Variants in CYP3A43 observed in about 807,000 individuals in gnomAD.
CYP3A43 encodes cytochrome P450 family 3 subfamily A member 43.
In CYP3A43, 45 loss-of-function variants were observed where a neutral mutation model predicts 58.0. The ratio of observed to expected loss-of-function variants is 0.78; its 90% CI spans 0.61 to 0.99. The LOEUF is 0.99. Among genes scored for constraint, CYP3A43 ranks in the 50% least tolerant of loss-of-function variants. The pLI, the probability that CYP3A43 is intolerant of heterozygous loss-of-function variation, is 0.00. For missense variants in CYP3A43, 593 were observed against 591.9 expected (o/e 1.00, Z -0.02); for synonymous variants, 191 against 201.4 (o/e 0.95, Z 0.44).
chr7:99,843,487 A>G (rs1486422560), intron 3 of CYP3A43, among the ~76,000 whole-genome samples: 1 of 151,954 alleles, frequency 6.6e-6, no homozygotes, highest in Non-Finnish European at 1.5e-5. Flanking sequence ...TTATTTTGAG[A>G]TGGAGTGTCG....
intron 1 of CYP3A43, among the ~76,000 whole-genome samples, chr7:99,834,462 A>G (rs2151590188): frequency 6.6e-6 from 1 of 152,320 alleles, no homozygotes; most frequent in Middle Eastern, 3.4e-3. Context: ...CCCTGGCTTT[A>G]GAGGAATTAG....
chr7:99,864,548 C>A (rs1465004179), intron 12 of CYP3A43, among the ~76,000 whole-genome samples: 1 of 148,816 alleles, frequency 6.7e-6, no homozygotes, highest in Non-Finnish European at 1.5e-5. Flanking sequence ...GTTATCATCA[C>A]CTAATCTTAT....
chr7:99,847,682 T>C (rs1266118260), intron 5 of CYP3A43, 81 bp downstream of exon 5: 2 of 1,587,136 alleles, frequency 1.3e-6, no homozygotes, highest in African/African-American at 2.7e-5. Flanking sequence ...ATAGTTCCTT[T>C]CTAATGGGTA....
At chr7:99,850,982 C>T (rs1450474481) in intron 7 of CYP3A43, among the ~76,000 whole-genome samples, 1 of 152,214 alleles carries the variant, frequency 6.6e-6, no homozygotes, top group African/African-American at 2.4e-5. Context: ...TCCTTGCCAA[C>T]TTGGCGAAAC....
chr7:99,834,929 C>T (rs1817009192), intron 1 of CYP3A43, among the ~76,000 whole-genome samples: 1 of 152,206 alleles, frequency 6.6e-6, no homozygotes, highest in South Asian at 2.1e-4. Context: ...CCTCCACATA[C>T]ATAGCATGAG....
intron 10 of CYP3A43, among the ~76,000 whole-genome samples, chr7:99,860,380 C>T (rs1229037394): frequency 1.3e-5 from 2 of 152,068 alleles, no homozygotes; most frequent in African/African-American, 4.8e-5. Context: ...GCCCTGGGTG[C>T]GCTGGGCAGG....
chr7:99,855,892 A>T (rs530858699), intron 8 of CYP3A43, among the ~76,000 whole-genome samples, 174 bp downstream of exon 8: 14 of 152,364 alleles, frequency 9.2e-5, no homozygotes, highest in Middle Eastern at 6.8e-3. Context: ...GGGAAGAAAG[A>T]GAATGAGTGA....
At chr7:99,853,645 C>T (rs1486771161) in intron 7 of CYP3A43, among the ~76,000 whole-genome samples, 1 of 152,304 alleles carries the variant, frequency 6.6e-6, no homozygotes, top group South Asian at 2.1e-4. Context: ...CAACCTCCAC[C>T]TCCTGGGGTC....
At chr7:99,864,263 C>T (rs1389764958) in intron 12 of CYP3A43, among the ~76,000 whole-genome samples, 1 of 148,792 alleles carries the variant, frequency 6.7e-6, no homozygotes, top group Non-Finnish European at 1.5e-5. Context: ...TTGGGAATCA[C>T]TAATTTAAGG....
Position 99,863,607 on chromosome 7 carries a change from T to G in CYP3A43, c.1324T>G (p.Cys442Gly), listed in dbSNP as rs199622820. The G allele has an allele frequency of 1.0e-4, 168 of 1,613,966 alleles. No individual in the cohort carries two copies. The highest frequency in any genetic ancestry group is 1.3e-4 in the Non-Finnish European group (158 of 1,179,968). The change falls in exon 12 of 13, where the codon TGC becomes GGC. Residue 442 changes from cysteine (C) to glycine (G), a missense_variant. Transcript: ENST00000354829. ...YIPFGAGPRN[C>G]IGMRFALTNI... ...ACCTTTTGGAGCTGGACCCCGAAAC[T>G]GCATTGGCATGAGGTTTGCTCTCAC...
At chr7:99,833,324 A>ACG (rs550774274) in intron 1 of CYP3A43, among the ~76,000 whole-genome samples, 1 of 152,064 alleles carries the variant, frequency 6.6e-6, no homozygotes, top group African/African-American at 2.4e-5. Context: ...ATTTCGTGGG[A>ACG]GGGGGGAGAT....
At chr7:99,865,760 A>C in intron 12 of CYP3A43, 146 bp from the exon 13 acceptor site, 1 of 498,890 alleles carries the variant, frequency 2.0e-6, no homozygotes, top group South Asian at 3.2e-5. Flanking sequence ...CTGAACAAGT[A>C]CAAATAAACC....
chr7:99,864,627 C>T (rs1443115929), intron 12 of CYP3A43, among the ~76,000 whole-genome samples: 1 of 148,714 alleles, frequency 6.7e-6, no homozygotes, highest in East Asian at 1.9e-4. Context: ...CTCCTCTCTG[C>T]CCCATTTATG....
At chr7:99,853,717 C>G (rs537182632) in intron 7 of CYP3A43, among the ~76,000 whole-genome samples, 1 of 152,202 alleles carries the variant, frequency 6.6e-6, no homozygotes, top group South Asian at 2.1e-4. Context: ...ATACTATGCC[C>G]GGCTAATTTT....
At position 99,863,802 on chromosome 7, in the gene CYP3A43, A is replaced by G. The variant is rs1584244635; in HGVS notation, c.1416+103A>G. Reference sequence around the variant, plus strand: ...TTCATTTTTCAATAATTTGCTCTGTAGGACAAAGAATCTAATTGGAGCTAT... The same window carrying G: ...TTCATTTTTCAATAATTTGCTCTGTGGGACAAAGAATCTAATTGGAGCTAT... On this transcript the variant is annotated intron_variant, in intron 12 of 12. Coordinates refer to ENST00000354829, the MANE Select transcript of CYP3A43 (RefSeq NM_057095.3). 3.1e-6 allele frequency: 3 copies of G among 981,684 alleles called. No individual in the cohort carries two copies. The East Asian group carries it at 8.0e-5, about 26-fold the overall frequency. The allele number at this position is 981,684 out of a possible 1,614,324, so 60.8% of individuals were successfully genotyped here.
In CYP3A43 at chr7:99,840,619, G is replaced by A. The variant is rs116847173; in HGVS notation, c.218+1447G>A. On this transcript the variant is annotated intron_variant, in intron 3 of 12. Coordinates refer to ENST00000354829, the MANE Select transcript of CYP3A43 (RefSeq NM_057095.3). ...CACAAATGTAATCATTTGCCACACT[G>A]CCTACTCTTTCCCCCCTTTTTTCCT... 2.2e-3 allele frequency among the ~76,000 whole-genome samples: 332 copies of A among 152,186 alleles called. 3 individuals are homozygous for A. The East Asian group carries it at 0.036, about 17-fold the overall frequency.
At chr7:99,836,164 C>T (rs903471900) in intron 1 of CYP3A43, among the ~76,000 whole-genome samples, 1 of 152,062 alleles carries the variant, frequency 6.6e-6, no homozygotes, top group African/African-American at 2.4e-5. Context: ...CAGGAGCACC[C>T]GAAAAGTCAG....
At chr7:99,850,489 T>C (rs772971029) in intron 7 of CYP3A43, among the ~76,000 whole-genome samples, 2 of 152,028 alleles carry the variant, frequency 1.3e-5, no homozygotes, top group African/African-American at 2.4e-5. Flanking sequence ...CTCGATCTCT[T>C]GACCTTGTGA....
At position 99,863,598 on chromosome 7, in the gene CYP3A43, C is replaced by G; in HGVS notation, c.1315C>G (p.Pro439Ala). 1 of 1,613,984 alleles carries G rather than the reference C, an allele frequency of 6.2e-7. No homozygotes were observed. Among genetic ancestry groups the G allele is most frequent in the South Asian group, 1.1e-5 (1 of 91,036 alleles). ...LYRYIPFGAGPRNCIGMRFAL... is the reference protein window; with the variant it reads ...LYRYIPFGAGARNCIGMRFAL... ...CAGATACATACCTTTTGGAGCTGGA[C>G]CCCGAAACTGCATTGGCATGAGGTT... Residue 439 changes from proline to alanine, a missense_variant, in exon 12 of 13, where the codon CCC becomes GCC. Coordinates refer to ENST00000354829, the MANE Select transcript of CYP3A43 (RefSeq NM_057095.3).
Sources: gnomAD v4.1 joint callset for allele counts (sites outside exome capture counted in the v4.1 genomes callset) on GRCh38, gnomAD v4.1.1 for gene constraint, MANE v1.5 for transcripts, NCBI Gene and HGNC (gene_info 2026-07-23, HGNC 2026-07-21) for gene names.